The following MAN1A1 variants were observed in gnomAD, a reference collection of about 807,000 sequenced individuals.
MAN1A1 encodes the protein mannosidase alpha class 1A member 1, also known as mannosyl-oligosaccharide 1,2-alpha-mannosidase IA.
Under a neutral mutation model 70.8 loss-of-function variants are expected in MAN1A1, and 29 were observed. That is an observed-to-expected ratio of 0.41 (90% CI 0.31 to 0.56). The LOEUF is 0.56. Among genes scored for constraint, MAN1A1 ranks in the 20% least tolerant of loss-of-function variants. The pLI is 0.29. For synonymous variants in MAN1A1, 349 were observed against 330.1 expected (o/e 1.06, Z -0.62); for missense variants, 747 against 841.3 (o/e 0.89, Z 1.39).
chr6:119,288,154 C>A (rs1253749270), intron 5 of MAN1A1, among the ~76,000 whole-genome samples: 1 of 151,904 alleles, frequency 6.6e-6, no homozygotes, highest in Non-Finnish European at 1.5e-5. Flanking sequence ...TATCACAAAT[C>A]AGTAGTACTT....
chr6:119,277,426 T>C (rs1776096173), intron 5 of MAN1A1, among the ~76,000 whole-genome samples: 1 of 152,226 alleles, frequency 6.6e-6, no homozygotes, highest in South Asian at 2.1e-4. Context: ...GAGGACTTCC[T>C]TTAGAAGGCA....
At chr6:119,316,817 C>T (rs1261040613) in intron 2 of MAN1A1, among the ~76,000 whole-genome samples, 1 of 151,832 alleles carries the variant, frequency 6.6e-6, no homozygotes, top group Non-Finnish European at 1.5e-5. Flanking sequence ...GAGGTTATCA[C>T]TAGTATTACT....
Position 119,179,164 on chromosome 6 carries a change from C to T in MAN1A1, c.*655G>A, listed in dbSNP as rs1773081465. 1 of 152,278 alleles carries T rather than the reference C, an allele frequency of 6.6e-6. No homozygotes were observed. Among genetic ancestry groups the T allele is most frequent in the Non-Finnish European group, 1.5e-5 (1 of 67,964 alleles). The allele number at this position is 152,278 out of a possible 1,614,324, so 9.4% of individuals were successfully genotyped here. A position where few individuals can be genotyped will look rare whatever the true frequency, so the allele number is the denominator to read the frequency against. On this transcript the variant is annotated 3_prime_UTR_variant, in exon 13 of 13. Coordinates refer to ENST00000368468, the MANE Select transcript of MAN1A1 (RefSeq NM_005907.4). ...AAGGACACATTTACAAAATAGAAAA[C>T]ACTAATATAATTAACCAACAAAAAT...
intron 2 of MAN1A1, among the ~76,000 whole-genome samples, chr6:119,310,368 A>G (rs1450931933): frequency 6.6e-6 from 1 of 152,216 alleles, no homozygotes; most frequent in Non-Finnish European, 1.5e-5. Context: ...TTGGGCTTTC[A>G]TTGCCCTATT....
intron 5 of MAN1A1, 104 bp downstream of exon 5, chr6:119,290,579 T>C (rs1390920205): frequency 1.4e-6 from 1 of 735,578 alleles, no homozygotes; most frequent in Non-Finnish European, 2.3e-6. Flanking sequence ...AATATAAAAA[T>C]TCCATAGATT....
chr6:119,180,456 T>C, intron 11 of MAN1A1, 29 bp from the exon 12 acceptor site: 3 of 1,144,300 alleles, frequency 2.6e-6, no homozygotes, highest in South Asian at 2.6e-5. Context: ...AAAAAAAAAG[T>C]CACATTTCAG....
intron 5 of MAN1A1, among the ~76,000 whole-genome samples, chr6:119,275,365 G>C (rs1776030847): frequency 8.7e-6 from 1 of 114,602 alleles, no homozygotes. Flanking sequence ...GGAGTGCAGT[G>C]GCGGGATCTC....
At chr6:119,206,707 A>G (rs982342948) in intron 6 of MAN1A1, among the ~76,000 whole-genome samples, 1 of 152,268 alleles carries the variant, frequency 6.6e-6, no homozygotes, top group East Asian at 1.9e-4. Flanking sequence ...GTTTACTAAC[A>G]TATGGCAAAT....
chr6:119,227,311 G>C (rs534887507), intron 6 of MAN1A1, among the ~76,000 whole-genome samples: 37 of 152,326 alleles, frequency 2.4e-4, no homozygotes, highest in African/African-American at 8.9e-4. Context: ...AAAGTTTTGT[G>C]AGTAACGAAA....
chr6:119,195,203 A>G (rs1338156586), intron 8 of MAN1A1, among the ~76,000 whole-genome samples: 1 of 152,130 alleles, frequency 6.6e-6, no homozygotes, highest in Non-Finnish European at 1.5e-5. Flanking sequence ...TTAATACATG[A>G]ATGAGATCAC....
intron 5 of MAN1A1, among the ~76,000 whole-genome samples, chr6:119,276,737 C>T (rs1032885490): frequency 4.6e-5 from 7 of 152,174 alleles, no homozygotes; most frequent in Admixed American, 4.6e-4. Context: ...AACTGAAACA[C>T]ATAAGTTAGC....
At chr6:119,233,422 TA>T (rs1345670520) in intron 6 of MAN1A1, among the ~76,000 whole-genome samples, 2 of 152,118 alleles carry the variant, frequency 1.3e-5, no homozygotes, top group Non-Finnish European at 1.5e-5. Context: ...TTAAGCCAAT[TA>T]AAAAAATATT....
intron 11 of MAN1A1, among the ~76,000 whole-genome samples, chr6:119,186,221 T>C (rs1387787661): frequency 6.6e-6 from 1 of 152,174 alleles, no homozygotes; most frequent in East Asian, 1.9e-4. Flanking sequence ...TGGAAAGTCC[T>C]TGGGTTGATG....
intron 6 of MAN1A1, among the ~76,000 whole-genome samples, chr6:119,206,366 A>G (rs1025294272): frequency 1.3e-5 from 2 of 152,116 alleles, no homozygotes; most frequent in African/African-American, 4.8e-5. Flanking sequence ...AAACCCTTTC[A>G]GTCCTGTCCT....
intron 5 of MAN1A1, among the ~76,000 whole-genome samples, chr6:119,260,976 G>T (rs372832132): frequency 6.0e-5 from 7 of 116,936 alleles, no homozygotes; most frequent in South Asian, 5.2e-4. Flanking sequence ...TTTTTTTATT[G>T]TTTTTTTTTT....
At chr6:119,268,933 C>A (rs897838063) in intron 5 of MAN1A1, among the ~76,000 whole-genome samples, 1 of 152,106 alleles carries the variant, frequency 6.6e-6, no homozygotes, top group Non-Finnish European at 1.5e-5. Context: ...AGACAAACTA[C>A]GCCTGAACAA....
At chr6:119,332,809 T>G (rs1582812237) in intron 2 of MAN1A1, among the ~76,000 whole-genome samples, 2 of 148,516 alleles carry the variant, frequency 1.3e-5, no homozygotes, top group African/African-American at 2.5e-5. Flanking sequence ...AAAAGCCAAT[T>G]GAGGAATATA....
Position 119,317,938 on chromosome 6 carries a change from T to C in MAN1A1, c.604-10946A>G, listed in dbSNP as rs147842685. On this transcript the variant is annotated intron_variant, in intron 2 of 12. Coordinates refer to ENST00000368468, the MANE Select transcript of MAN1A1 (RefSeq NM_005907.4). ...TAACTGTCCTTAAAATTGTCCATTA[T>C]TAATAAGTGGAATATCCGTTGTCAT... Among the ~76,000 whole-genome samples the C allele has an allele frequency of 6.1e-3, 935 of 152,266 alleles. 6 individuals carry two copies. The highest frequency in any genetic ancestry group is 0.021 in the African/African-American group (872 of 41,564).
At chr6:119,220,216 A>G (rs1377207207) in intron 6 of MAN1A1, among the ~76,000 whole-genome samples, 3 of 152,174 alleles carry the variant, frequency 2.0e-5, no homozygotes, top group Non-Finnish European at 4.4e-5. Flanking sequence ...TGTAAAGGAC[A>G]TCATGATATT....
Sources: allele counts gnomAD v4.1 joint callset (sites outside exome capture counted in the v4.1 genomes callset), GRCh38; gene constraint gnomAD v4.1.1; transcripts MANE v1.5; gene names NCBI Gene and HGNC (gene_info 2026-07-23, HGNC 2026-07-21).